The following ZNF407 variants were observed in gnomAD, a reference collection of about 807,000 sequenced individuals.
ZNF407 encodes zinc finger protein 407.
In ZNF407, 17 loss-of-function variants were observed where a neutral mutation model predicts 131.2. The ratio of observed to expected loss-of-function variants is 0.13; its 90% CI spans 0.09 to 0.19. The LOEUF is 0.19. Ranked by LOEUF, ZNF407 falls within the 10% of genes least tolerant of loss-of-function variation. The pLI is 1.00. For synonymous variants in ZNF407, 1,156 were observed against 1,062.0 expected (o/e 1.09, Z -1.72); for missense variants, 2,681 against 2,830.6 (o/e 0.95, Z 1.20).
At chr18:74,825,480 C>G (rs1328641735) in intron 4 of ZNF407, among the ~76,000 whole-genome samples, 1 of 152,196 alleles carries the variant, frequency 6.6e-6, no homozygotes. Flanking sequence ...AGCTGATAAT[C>G]AACTTCACCA....
intron 8 of ZNF407, among the ~76,000 whole-genome samples, chr18:75,002,384 A>G (rs1331405538): frequency 1.3e-5 from 2 of 152,104 alleles, no homozygotes; most frequent in Non-Finnish European, 2.9e-5. Context: ...AATTGTTGGT[A>G]GGAGGAGATG....
intron 3 of ZNF407, among the ~76,000 whole-genome samples, chr18:74,772,691 G>T (rs1422348834): frequency 1.3e-5 from 2 of 152,042 alleles, no homozygotes; most frequent in Admixed American, 6.6e-5. Flanking sequence ...TTATTTGTTT[G>T]CTTAAGATTT....
intron 3 of ZNF407, among the ~76,000 whole-genome samples, chr18:74,734,023 C>T (rs1306231184): frequency 6.6e-6 from 1 of 151,956 alleles, no homozygotes; most frequent in East Asian, 1.9e-4. Context: ...GCTCTTGTCC[C>T]CTCTCGGTAA....
chr18:74,617,079 A>G (rs1983338013), intron 1 of ZNF407, among the ~76,000 whole-genome samples: 24 of 115,106 alleles, frequency 2.1e-4, no homozygotes, highest in African/African-American at 7.9e-4. Context: ...ATCCACACAC[A>G]TCCATATCCA....
chr18:75,017,372 A>AT (rs1973056867), intron 8 of ZNF407, among the ~76,000 whole-genome samples: 1 of 152,144 alleles, frequency 6.6e-6, no homozygotes, highest in East Asian at 1.9e-4. Context: ...ATGTCAGCTT[A>AT]AGGAAAGTGT....
intron 8 of ZNF407, among the ~76,000 whole-genome samples, chr18:75,054,968 C>T (rs760899649): frequency 1.2e-4 from 18 of 152,190 alleles, no homozygotes; most frequent in Non-Finnish European, 1.9e-4. Flanking sequence ...TGTCGGCACA[C>T]AGGAGCAGAA....
chr18:75,002,000 A>G (rs1972850629), intron 8 of ZNF407, among the ~76,000 whole-genome samples: 1 of 152,172 alleles, frequency 6.6e-6, no homozygotes, highest in Admixed American at 6.5e-5. Context: ...AGAGTCACCC[A>G]GTCCAGAATG....
chr18:75,024,955 T>TA (rs1252163996), intron 8 of ZNF407, among the ~76,000 whole-genome samples: 5 of 152,204 alleles, frequency 3.3e-5, no homozygotes, highest in Middle Eastern at 3.2e-3. Flanking sequence ...TCTGATCATT[T>TA]AAAAAAATGT....
At chr18:74,819,911 T>G (rs1970317458) in intron 4 of ZNF407, among the ~76,000 whole-genome samples, 1 of 152,184 alleles carries the variant, frequency 6.6e-6, no homozygotes, top group Non-Finnish European at 1.5e-5. Context: ...CTTTGTTCAT[T>G]GTGCTGCCTC....
intron 8 of ZNF407, among the ~76,000 whole-genome samples, chr18:74,921,785 G>C (rs1281201414): frequency 6.6e-6 from 1 of 152,208 alleles, no homozygotes; most frequent in Non-Finnish European, 1.5e-5. Flanking sequence ...GTCGTTAGTA[G>C]TGGTGGGGAT....
intron 4 of ZNF407, among the ~76,000 whole-genome samples, chr18:74,831,530 C>T (rs1453510305): frequency 2.0e-5 from 3 of 152,132 alleles, no homozygotes; most frequent in African/African-American, 7.2e-5. Flanking sequence ...TCCTTTTATT[C>T]CTGACTGATT....
At position 74,697,158 on chromosome 18, in the gene ZNF407, A is replaced by G. The variant is rs554445314; in HGVS notation, c.4802+56036A>G. Among the ~76,000 whole-genome samples, 4 of 152,256 alleles carry G rather than the reference A, an allele frequency of 2.6e-5. No homozygotes were observed. In the South Asian group the frequency reaches 6.2e-4, roughly 24 times the overall value. ...CTTAATTGGACCTCTCTCCAAACTC[A>G]TAACTTGACATGGACGTTTGCATTT... On this transcript the variant is annotated intron_variant, in intron 3 of 8. Coordinates refer to ENST00000299687, the MANE Select transcript of ZNF407 (RefSeq NM_017757.3).
chr18:74,781,277 C>T lies in ZNF407; in HGVS notation c.4803-151C>T. 5.7e-6 allele frequency: 3 copies of T among 528,056 alleles called. No homozygotes were observed. The Admixed American group carries it at 1.2e-4, about 21-fold the overall frequency. The allele number at this position is 528,056 out of a possible 1,614,324, so 32.7% of individuals were successfully genotyped here. A position where few individuals can be genotyped will look rare whatever the true frequency, so the allele number is the denominator to read the frequency against. On this transcript the variant is annotated intron_variant, in intron 3 of 8. Coordinates refer to ENST00000299687, the MANE Select transcript of ZNF407 (RefSeq NM_017757.3). ...TTTGAAGTCCTACAGTATATTTAAT[C>T]TGTATGCAAGCTTTGGTGTAGCAAG...
chr18:74,665,489 G>T (rs560992726), intron 3 of ZNF407, among the ~76,000 whole-genome samples: 1 of 152,160 alleles, frequency 6.6e-6, no homozygotes, highest in Non-Finnish European at 1.5e-5. Flanking sequence ...TTGGATTACA[G>T]TTCATTGACC....
intron 7 of ZNF407, among the ~76,000 whole-genome samples, chr18:74,890,800 T>G (rs574716681): frequency 6.6e-6 from 1 of 152,250 alleles, no homozygotes; most frequent in East Asian, 1.9e-4. Context: ...TGAGCCCAGG[T>G]GAAGTCCTCA....
intron 8 of ZNF407, among the ~76,000 whole-genome samples, chr18:75,016,711 G>A (rs994183564): frequency 6.6e-6 from 1 of 152,136 alleles, no homozygotes; most frequent in Non-Finnish European, 1.5e-5. Flanking sequence ...TTCTCTTGGT[G>A]TAGTTATAAA....
At chr18:74,873,796 G>GAAGGGGC (rs1359997933) in intron 4 of ZNF407, among the ~76,000 whole-genome samples, 1 of 152,112 alleles carries the variant, frequency 6.6e-6, no homozygotes, top group Non-Finnish European at 1.5e-5. Flanking sequence ...ACGTGCATGA[G>GAAGGGGC]AAGGGGCCTT....
At chr18:74,943,398 T>A (rs1246756816) in intron 8 of ZNF407, among the ~76,000 whole-genome samples, 1 of 152,220 alleles carries the variant, frequency 6.6e-6, no homozygotes, top group Non-Finnish European at 1.5e-5. Context: ...GAAGGATGAG[T>A]TATTTGTCTG....
At chr18:74,808,461 A>G (rs1434379967) in intron 4 of ZNF407, among the ~76,000 whole-genome samples, 1 of 152,250 alleles carries the variant, frequency 6.6e-6, no homozygotes, top group Non-Finnish European at 1.5e-5. Context: ...CATAAAATGT[A>G]TAATGGTATT....
Sources: allele counts gnomAD v4.1 joint callset (sites outside exome capture counted in the v4.1 genomes callset), GRCh38; gene constraint gnomAD v4.1.1; transcripts MANE v1.5; gene names NCBI Gene and HGNC (gene_info 2026-07-23, HGNC 2026-07-21).